Variants in AAR2 observed in about 807,000 individuals in gnomAD.
AAR2 encodes the protein AAR2 splicing factor.
Under a neutral mutation model 26.9 loss-of-function variants are expected in AAR2, and 31 were observed. The observed-to-expected ratio is 1.15, with a 90% CI of 0.86 to 1.55. AAR2 has a LOEUF of 1.55. Ranked by LOEUF, AAR2 falls within the 40% of genes most tolerant of loss-of-function variation. The pLI is 0.00. For missense variants in AAR2, 430 were observed against 491.3 expected, an observed-to-expected ratio of 0.88 and a Z score of 1.18; for synonymous variants, 188 against 196.1, an observed-to-expected ratio of 0.96 and a Z score of 0.34.
rs113031542 is a variant in AAR2 at position 36,238,373 on chromosome 20, G to A, written c.-48-1448G>A. Among the ~76,000 whole-genome samples, 663 of 152,302 alleles carry A rather than the reference G, an allele frequency of 4.4e-3. 5 individuals carry two copies. Among genetic ancestry groups the A allele is most frequent in the African/African-American group, 0.015 (623 of 41,562 alleles). ...TGCTGATTCAGGGTAAGAGTCATTT[G>A]TGGTGGTTTTGAGGTAACAATGATA... On this transcript the variant is annotated intron_variant, in intron 1 of 3. Coordinates refer to ENST00000320849, the MANE Select transcript of AAR2 (RefSeq NM_001271874.2).
At chr20:36,249,372 A>T (rs573919973) in intron 3 of AAR2, among the ~76,000 whole-genome samples, 1 of 152,254 alleles carries the variant, frequency 6.6e-6, no homozygotes, top group Non-Finnish European at 1.5e-5. Context: ...GAATTTAATG[A>T]TATGTTAGAA....
chr20:36,239,672 A>G (rs1175223498), intron 1 of AAR2, 149 bp from the exon 2 acceptor site: 1 of 610,052 alleles, frequency 1.6e-6, no homozygotes. Context: ...CGTTTTTCTC[A>G]TCTGTAAACT....
Position 36,255,834 on chromosome 20 carries a change from G to C in AAR2, c.*89G>C. On this transcript the variant is annotated 3_prime_UTR_variant, in exon 4 of 4. Coordinates refer to ENST00000320849, the MANE Select transcript of AAR2 (RefSeq NM_001271874.2). ...TTTACTTCTTCCCATCCTGGGACCTGCCAGGGCAGCAATCTCTCCAGGTCC... is the reference window on the plus strand; with the variant it reads ...TTTACTTCTTCCCATCCTGGGACCTCCCAGGGCAGCAATCTCTCCAGGTCC... The C allele has an allele frequency of 1.4e-6, 2 of 1,471,490 alleles. No individual in the cohort carries two copies. The highest frequency in any genetic ancestry group is 1.8e-6 in the Non-Finnish European group (2 of 1,085,514). The allele number at this position is 1,471,490 out of a possible 1,614,324, so 91.2% of individuals were successfully genotyped here.
At position 36,239,840 on chromosome 20, in the gene AAR2, G is replaced by A. The variant is rs1209969475; in HGVS notation, c.-29G>A. The A allele has an allele frequency of 6.6e-7, 1 of 1,526,140 alleles. No individual in the cohort carries two copies. Among genetic ancestry groups the A allele is most frequent in the Non-Finnish European group, 8.8e-7 (1 of 1,136,526 alleles). 94.5% of individuals were successfully genotyped at this position (1,526,140 alleles called of 1,614,324 possible). A position where few individuals can be genotyped will look rare whatever the true frequency, so the allele number is the denominator to read the frequency against. On this transcript the variant is annotated 5_prime_UTR_variant, in exon 2 of 4. Transcript: ENST00000320849. ...TCTCAGCTGTTCATCAAAGAAAAAGGGTTCTTTTGGTCACCCACCACTGGC... is the reference window on the plus strand; with the variant it reads ...TCTCAGCTGTTCATCAAAGAAAAAGAGTTCTTTTGGTCACCCACCACTGGC...
chr20:36,254,763 A>G (rs2064806079), intron 3 of AAR2, among the ~76,000 whole-genome samples: 2 of 152,214 alleles, frequency 1.3e-5, no homozygotes, highest in African/African-American at 4.8e-5. Flanking sequence ...ACATGGGGTT[A>G]TGTCTTAATA....
chr20:36,252,939 C>T (rs1024333664), intron 3 of AAR2, among the ~76,000 whole-genome samples: 10 of 148,068 alleles, frequency 6.8e-5, no homozygotes, highest in African/African-American at 2.3e-4. Context: ...CCCTTGGCTT[C>T]CCCATGGCCC....
Position 36,244,732 on chromosome 20 carries a change from G to T in AAR2, c.793G>T (p.Gly265Trp). The T allele has an allele frequency of 6.2e-7, 1 of 1,614,158 alleles. No homozygotes were observed. Among genetic ancestry groups the T allele is most frequent in the Non-Finnish European group, 8.5e-7 (1 of 1,180,046 alleles). ...GTTTGCTTTTGTGTGCTTCCTGCTG[G>T]GGAATGTGTACGAGGCATTTGAGCA... ...LQFAFVCFLLGNVYEAFEHWK... is the reference protein window; with the variant it reads ...LQFAFVCFLLWNVYEAFEHWK... The change falls in exon 3 of 4, where the codon GGG becomes TGG. Residue 265 changes from glycine to tryptophan, a missense_variant. Physicochemically the swap from Gly to Trp is radical, Grantham distance 184. Coordinates refer to ENST00000320849, the MANE Select transcript of AAR2 (RefSeq NM_001271874.2).
chr20:36,252,183 C>G (rs1389059511), intron 3 of AAR2, among the ~76,000 whole-genome samples: 1 of 152,176 alleles, frequency 6.6e-6, no homozygotes, highest in Non-Finnish European at 1.5e-5. Flanking sequence ...GGTAAAGAAG[C>G]TGCCTTCTCC....
At chr20:36,254,383 C>T (rs1486046431) in intron 3 of AAR2, among the ~76,000 whole-genome samples, 2 of 152,068 alleles carry the variant, frequency 1.3e-5, no homozygotes, top group Admixed American at 6.5e-5. Flanking sequence ...GATGAGGTGC[C>T]TAGAGTAGTC....
chr20:36,237,264 G>A (rs1256190480), intron 1 of AAR2, among the ~76,000 whole-genome samples: 2 of 152,200 alleles, frequency 1.3e-5, no homozygotes, highest in Non-Finnish European at 2.9e-5. Flanking sequence ...AGAACCATAT[G>A]GGAAACCACT....
At chr20:36,239,739 A>T in intron 1 of AAR2, 82 bp from the exon 2 acceptor site, 1 of 1,113,530 alleles carries the variant, frequency 9.0e-7, no homozygotes, top group Non-Finnish European at 1.3e-6. Context: ...GTCTAACTCA[A>T]TATCTGGCAC....
rs201095536 is a variant in AAR2, at chr20:36,255,702, C to T, written c.1112C>T (p.Ala371Val). The T allele has an allele frequency of 1.7e-4, 277 of 1,614,144 alleles. 1 individual carries two copies. Among genetic ancestry groups the T allele is most frequent in the South Asian group, 1.2e-3 (111 of 91,074 alleles). ...TTTGCTGCGGAACCTGAGGACTGTG[C>T]CCCGGTGGTGGTGGAGCTCCCTGAG... is the stretch of plus-strand genomic sequence containing the variant. ...WDFAAEPEDC[A>V]PVVVELPEGI... Residue 371 changes from alanine (A) to valine (V), a missense_variant, in exon 4 of 4, where the codon GCC becomes GTC. Coordinates refer to ENST00000320849, the MANE Select transcript of AAR2 (RefSeq NM_001271874.2).
chr20:36,255,442 A>G lies in AAR2; in HGVS notation c.988-136A>G. ...TTTCTTGGTTTGGGGGGAGCATAGC[A>G]GGTGTCCTGGGCCTATGCCAGCAGC... On this transcript the variant is annotated intron_variant, in intron 3 of 3. Coordinates refer to ENST00000320849, the MANE Select transcript of AAR2 (RefSeq NM_001271874.2). 5.3e-6 allele frequency: 5 copies of G among 949,118 alleles called. No homozygotes were observed. The South Asian group carries it at 7.7e-5, about 15-fold the overall frequency. 58.8% of individuals were successfully genotyped at this position (949,118 alleles called of 1,614,324 possible).
In AAR2 at chr20:36,256,769, G is replaced by A. The variant is rs2064825126; in HGVS notation, c.*1024G>A. 6.6e-6 allele frequency: 1 copy of A among 152,612 alleles called. No individual in the cohort carries two copies. The highest frequency in any genetic ancestry group is 6.5e-5 in the Admixed American group (1 of 15,284). The allele number at this position is 152,612 out of a possible 1,614,324, so 9.5% of individuals were successfully genotyped here. A position where few individuals can be genotyped will look rare whatever the true frequency, so the allele number is the denominator to read the frequency against. On this transcript the variant is annotated 3_prime_UTR_variant, in exon 4 of 4. Coordinates refer to ENST00000320849, the MANE Select transcript of AAR2 (RefSeq NM_001271874.2). ...GGCCCTGCCACCCTGACATCAAACT[G>A]TTGTACTATGATCACAGTCCCTGTG...
chr20:36,251,960 C>G (rs1278374871), intron 3 of AAR2, among the ~76,000 whole-genome samples: 1 of 152,180 alleles, frequency 6.6e-6, no homozygotes, highest in Admixed American at 6.5e-5. Flanking sequence ...ACCCTTTGGG[C>G]CCTAACTCTA....
intron 3 of AAR2, among the ~76,000 whole-genome samples, chr20:36,246,879 C>CA (rs1305923927): frequency 6.6e-6 from 1 of 152,092 alleles, no homozygotes; most frequent in Admixed American, 6.5e-5. Context: ...CAAAACAAAA[C>CA]AAAAAACACA....
At chr20:36,237,347 G>A (rs1324972692) in intron 1 of AAR2, among the ~76,000 whole-genome samples, 6 of 152,190 alleles carry the variant, frequency 3.9e-5, no homozygotes, top group Admixed American at 2.0e-4. Flanking sequence ...ATGGAGAATG[G>A]GTTGAGGAGC....
rs759834621 is a variant in AAR2, at chr20:36,240,414, C to A, written c.546C>A (p.Gly182=). Residue 182 remains glycine, a synonymous_variant, in exon 2 of 4, where the codon GGC becomes GGA. Coordinates refer to ENST00000320849, the MANE Select transcript of AAR2 (RefSeq NM_001271874.2). ...TGGGGCAGAATCTACCCCGCTGTGGCATTGAGTGCAAAAGCTACCAAGAGG... is the reference window on the plus strand; with the variant it reads ...TGGGGCAGAATCTACCCCGCTGTGGAATTGAGTGCAAAAGCTACCAAGAGG... ...DRVGQNLPRC[G]IECKSYQEGL... is the part of the protein sequence containing the mutation. 1 of 1,614,202 alleles carries A rather than the reference C, an allele frequency of 6.2e-7. No individual in the cohort carries two copies. Among genetic ancestry groups the A allele is most frequent in the South Asian group, 1.1e-5 (1 of 91,076 alleles).
intron 3 of AAR2, among the ~76,000 whole-genome samples, chr20:36,251,354 G>A (rs1048479557): frequency 7.9e-5 from 12 of 152,002 alleles, no homozygotes; most frequent in South Asian, 4.2e-4. Flanking sequence ...GTGAGATCCC[G>A]TCTCTAAAAA....
Sources: allele counts gnomAD v4.1 joint callset (sites outside exome capture counted in the v4.1 genomes callset), GRCh38; gene constraint gnomAD v4.1.1; transcripts MANE v1.5; gene names NCBI Gene and HGNC (gene_info 2026-07-23, HGNC 2026-07-21).